LARP1: variants seen among roughly 807,000 people sequenced by gnomAD.
The protein encoded by LARP1 is la-related protein 1.
A neutral mutation model predicts 122.7 loss-of-function variants in LARP1; 36 were observed. That is an observed-to-expected ratio of 0.29 (90% CI 0.22 to 0.39). LARP1 has a LOEUF of 0.39. LARP1 is among the 10% of genes least tolerant of loss of function. The pLI is 1.00. For synonymous variants in LARP1, 539 were observed against 528.7 expected, an observed-to-expected ratio of 1.02 and a Z score of -0.27; for missense variants, 1,040 against 1,403.6, an observed-to-expected ratio of 0.74 and a Z score of 4.14.
At chr5:154,684,992 T>C (rs903118183) in intron 1 of LARP1, among the ~76,000 whole-genome samples, 12 of 152,142 alleles carry the variant, frequency 7.9e-5, no homozygotes, top group African/African-American at 2.9e-4. Flanking sequence ...ATGCCTGTAA[T>C]CTCAGCACTT....
At chr5:154,730,764 G>A (rs1480659469) in intron 1 of LARP1, among the ~76,000 whole-genome samples, 4 of 151,602 alleles carry the variant, frequency 2.6e-5, no homozygotes, top group Non-Finnish European at 4.4e-5. Context: ...GAGCCACCAT[G>A]CCCAGCCAAG....
At chr5:154,794,032 C>G in intron 6 of LARP1, 32 bp downstream of exon 6, 1 of 1,610,296 alleles carries the variant, frequency 6.2e-7, no homozygotes. Context: ...TCCGGGATGT[C>G]CAAGGGTGTG....
rs145644110 is a variant in LARP1 at position 154,757,489 on chromosome 5, C to G, written c.436+1296C>G. On this transcript the variant is annotated intron_variant, in intron 1 of 18. Transcript: ENST00000518297. ...GGTTTTGGGTCCGTTTGTGGTGGGT[C>G]GGTTTTAAAATTGTCTTGCAGTTGG... Among the ~76,000 whole-genome samples the G allele has an allele frequency of 1.8e-4, 28 of 151,822 alleles. No homozygotes were observed. In the East Asian group the frequency reaches 5.5e-3, roughly 30 times the overall value.
chr5:154,709,597 GATT>G (rs1271251675), upstream of LARP1, among the ~76,000 whole-genome samples: 5 of 116,798 alleles, frequency 4.3e-5, no homozygotes, highest in African/African-American at 1.6e-4. Context: ...TCTCCAGTGA[GATT>G]TTTTTTTTTT....
At chr5:154,686,796 C>T (rs2113181312) in intron 1 of LARP1, among the ~76,000 whole-genome samples, 1 of 152,294 alleles carries the variant, frequency 6.6e-6, no homozygotes, top group East Asian at 1.9e-4. Flanking sequence ...CCTTAAATGC[C>T]AGCTAATTAA....
chr5:154,802,237 A>G lies in LARP1; in HGVS notation c.1947A>G (p.Thr649=), dbSNP rs748612910. The G allele has an allele frequency of 1.9e-6, 3 of 1,614,074 alleles. No homozygotes were observed. Among genetic ancestry groups the G allele is most frequent in the African/African-American group, 1.3e-5 (1 of 74,912 alleles). ...ACAAGATCCTCATTGTCACCCAGAC[A>G]CCACATTACATGCGCCGGCACCCAG... ...DVNKILIVTQ[T]PHYMRRHPGG... The change falls in exon 11 of 19, where the codon ACA becomes ACG. Residue 649 remains threonine, a synonymous_variant. Coordinates refer to ENST00000518297, the MANE Select transcript of LARP1 (RefSeq NM_033551.3). This position sits in a 1 kb window ranked among gnomAD's most constrained non-coding sequence, Gnocchi z 5.1.
chr5:154,748,784 AGTT>A (rs548785161), intron 1 of LARP1, among the ~76,000 whole-genome samples: 117 of 152,344 alleles, frequency 7.7e-4, no homozygotes, highest in African/African-American at 2.6e-3. Context: ...CTTAGAGAGA[AGTT>A]AAATATTTTC....
At chr5:154,809,021 A>G (rs921884334) in intron 16 of LARP1, among the ~76,000 whole-genome samples, 111 of 152,254 alleles carry the variant, frequency 7.3e-4, no homozygotes, top group Middle Eastern at 3.4e-3. Flanking sequence ...TATATTTTGG[A>G]GATCATTCTA....
intron 1 of LARP1, among the ~76,000 whole-genome samples, chr5:154,717,272 T>G (rs1334607975): frequency 6.6e-6 from 1 of 152,068 alleles, no homozygotes; most frequent in African/African-American, 2.4e-5. Flanking sequence ...TCCCTACTAT[T>G]CTACCCAGCC....
intron 1 of LARP1, among the ~76,000 whole-genome samples, chr5:154,745,148 G>A (rs938256499): frequency 1.1e-4 from 17 of 150,640 alleles, no homozygotes; most frequent in Non-Finnish European, 1.3e-4. Context: ...GGATGGTCTC[G>A]ATCTCTTGAC....
Position 154,755,840 on chromosome 5 carries a change from A to T in LARP1, c.83A>T (p.Lys28Met). Residue 28 changes from lysine to methionine, a missense_variant, in exon 1 of 19, where the codon AAG becomes ATG. This residue lies in a region of LARP1 where 257 missense variants were observed against 273.3 expected (regional missense o/e 0.94). Coordinates refer to ENST00000518297, the MANE Select transcript of LARP1 (RefSeq NM_033551.3). Reference protein sequence around the residue: ...AEEHGGLVRKKPPPAPEGKGE... With the variant: ...AEEHGGLVRKMPPPAPEGKGE... ...GAGCACGGGGGGCTGGTGAGGAAGA[A>T]GCCGCCGCCGGCGCCCGAGGGCAAG... 4 of 1,003,836 alleles carry T rather than the reference A, an allele frequency of 4.0e-6. No homozygotes were observed. The highest frequency in any genetic ancestry group is 4.8e-6 in the Non-Finnish European group (4 of 840,774). The allele number at this position is 1,003,836 out of a possible 1,614,324, so 62.2% of individuals were successfully genotyped here. A position where few individuals can be genotyped will look rare whatever the true frequency, so the allele number is the denominator to read the frequency against.
intron 1 of LARP1, among the ~76,000 whole-genome samples, chr5:154,698,651 T>C (rs1056123618): frequency 2.0e-5 from 3 of 152,180 alleles, no homozygotes; most frequent in African/African-American, 7.2e-5. Context: ...TGCACAACTC[T>C]GTTAATATAC....
At chr5:154,792,452 C>T (rs1757420185) in intron 3 of LARP1, among the ~76,000 whole-genome samples, 170 bp from the exon 4 acceptor site, 1 of 152,244 alleles carries the variant, frequency 6.6e-6, no homozygotes. Context: ...TTTGACCATG[C>T]TTCCCACTGA....
In LARP1 at chr5:154,805,924, T is replaced by C. The variant is rs753609554; in HGVS notation, c.2590T>C (p.Cys864Arg). Reference sequence around the variant, plus strand: ...GACGCCTACAGTTGGCAGCTATGGCTGTACCCCTCAGTCATTGCCCAAGTT... The same window carrying C: ...GACGCCTACAGTTGGCAGCTATGGCCGTACCCCTCAGTCATTGCCCAAGTT... ...EGTPTVGSYG[C>R]TPQSLPKFQH... The change falls in exon 15 of 19, where the codon TGT becomes CGT. Residue 864 changes from cysteine to arginine, a missense_variant. This residue lies in a region of LARP1 where 59 missense variants were observed against 137.2 expected (regional missense o/e 0.43). Coordinates refer to ENST00000518297, the MANE Select transcript of LARP1 (RefSeq NM_033551.3). 6.2e-7 allele frequency: 1 copy of C among 1,614,222 alleles called. No homozygotes were observed. The highest frequency in any genetic ancestry group is 1.1e-5 in the South Asian group (1 of 91,082).
chr5:154,784,034 G>A (rs1465240969), intron 1 of LARP1, among the ~76,000 whole-genome samples: 1 of 152,228 alleles, frequency 6.6e-6, no homozygotes, highest in Admixed American at 6.5e-5. Context: ...TAGGGCCTGC[G>A]TTCCTCTGGG....
rs1753829172 is a variant in LARP1, at chr5:154,755,856, C to G, written c.99C>G (p.Pro33=). Residue 33 remains proline, a synonymous_variant, in exon 1 of 19, where the codon CCC becomes CCG. Transcript: ENST00000518297. ...GLVRKKPPPA[P]EGKGEPGPND... Reference sequence around the variant, plus strand: ...TGAGGAAGAAGCCGCCGCCGGCGCCCGAGGGCAAGGGCGAGCCCGGGCCAA... The same window carrying G: ...TGAGGAAGAAGCCGCCGCCGGCGCCGGAGGGCAAGGGCGAGCCCGGGCCAA... 6 of 1,006,276 alleles carry G rather than the reference C, an allele frequency of 6.0e-6. No individual in the cohort carries two copies. The highest frequency in any genetic ancestry group is 7.1e-6 in the Non-Finnish European group (6 of 842,176). 62.3% of individuals were successfully genotyped at this position (1,006,276 alleles called of 1,614,324 possible).
At chr5:154,787,628 TC>T (rs1756993085) in intron 1 of LARP1, among the ~76,000 whole-genome samples, 1 of 152,186 alleles carries the variant, frequency 6.6e-6, no homozygotes, top group Non-Finnish European at 1.5e-5. Flanking sequence ...TGGCTCTTGC[TC>T]CCCATTGGCT....
chr5:154,805,673 C>T, intron 14 of LARP1: 1 of 550,532 alleles, frequency 1.8e-6, no homozygotes, highest in Non-Finnish European at 3.2e-6. Flanking sequence ...CTCTGTAAGC[C>T]TCAGTATCCT....
At position 154,814,146 on chromosome 5, in the gene LARP1, A is replaced by G. The variant is rs375884763; in HGVS notation, c.*50A>G. 16 of 1,576,798 alleles carry G rather than the reference A, an allele frequency of 1.0e-5. No homozygotes were observed. The highest frequency in any genetic ancestry group is 1.4e-5 in the Non-Finnish European group (16 of 1,152,694). On this transcript the variant is annotated 3_prime_UTR_variant, in exon 19 of 19. Transcript: ENST00000518297. ...AGGGGGGAAAGGGGTAGGGTGGGTAAGAGTCCATGGGGGTGCCCAGTCCCA... is the reference window on the plus strand; with the variant it reads ...AGGGGGGAAAGGGGTAGGGTGGGTAGGAGTCCATGGGGGTGCCCAGTCCCA...
Sources: gnomAD v4.1 joint callset for allele counts (sites outside exome capture counted in the v4.1 genomes callset) on GRCh38, gnomAD v4.1.1 for gene constraint, gnomAD v4.1.1 regional missense constraint, Gnocchi (gnomAD v3.1) non-coding constraint, MANE v1.5 for transcripts, NCBI Gene and HGNC (gene_info 2026-07-23, HGNC 2026-07-21) for gene names.